PTPRD: variants seen among roughly 807,000 people sequenced by gnomAD.
PTPRD encodes the protein receptor-type tyrosine-protein phosphatase delta.
A neutral mutation model predicts 214.5 loss-of-function variants in PTPRD; 34 were observed. The ratio of observed to expected loss-of-function variants is 0.16; its 90% CI spans 0.12 to 0.21. PTPRD has a LOEUF of 0.21. Among genes scored for constraint, PTPRD ranks in the 10% least tolerant of loss-of-function variants. The pLI is 1.00. For missense variants in PTPRD, 2,545 were observed against 2,398.7 expected (o/e 1.06, Z -1.27); for synonymous variants, 1,128 against 845.7 (o/e 1.33, Z -5.79).
At chr9:10,127,163 G>A (rs888236892) in intron 3 of PTPRD, among the ~76,000 whole-genome samples, 4 of 150,928 alleles carry the variant, frequency 2.7e-5, no homozygotes, top group Non-Finnish European at 3.0e-5. Flanking sequence ...TATATCCTGA[G>A]CCCCATGTGT....
chr9:8,488,233 A>G (rs1443356650), intron 27 of PTPRD, among the ~76,000 whole-genome samples: 3 of 152,226 alleles, frequency 2.0e-5, no homozygotes, highest in Non-Finnish European at 4.4e-5. Flanking sequence ...GTGAAACCCA[A>G]GTGGAGATGT....
At chr9:8,855,408 C>G (rs1230361782) in intron 11 of PTPRD, among the ~76,000 whole-genome samples, 2 of 152,102 alleles carry the variant, frequency 1.3e-5, no homozygotes, top group Non-Finnish European at 2.9e-5. Context: ...TGCTGCATTT[C>G]ATTACTTGAG....
intron 2 of PTPRD, among the ~76,000 whole-genome samples, chr9:10,573,847 G>C (rs2068260184): frequency 6.6e-6 from 1 of 152,160 alleles, no homozygotes; most frequent in African/African-American, 2.4e-5. Flanking sequence ...TGGAAGGTAA[G>C]AAAGATGAGT....
In PTPRD at chr9:8,521,459, A is replaced by G. The variant is rs2097888494; in HGVS notation, c.779T>C (p.Val260Ala). ...CTTTACATAAGGCATTGGTGACCCC[A>G]CGGCCACACAGGTGATATTAACGCT... The part of the protein sequence containing the change: ...GGSVNITCVA[V>A]GSPMPYVKWM... Residue 260 changes from valine to alanine, a missense_variant, in exon 20 of 46, where the codon GTG becomes GCG. By Grantham distance (64) the Val-to-Ala change is moderately conservative (BLOSUM62 0). Transcript: ENST00000381196. 4.3e-6 allele frequency: 7 copies of G among 1,613,888 alleles called. 1 individual carries two copies. In the South Asian group the frequency reaches 6.6e-5, roughly 15 times the overall value.
At chr9:9,398,234 T>C (rs1416019813) in intron 8 of PTPRD, among the ~76,000 whole-genome samples, 1 of 152,058 alleles carries the variant, frequency 6.6e-6, no homozygotes, top group African/African-American at 2.4e-5. Context: ...AGAGGTTGTC[T>C]TGACACCTAG....
At chr9:9,331,310 T>C (rs1276567407) in intron 9 of PTPRD, among the ~76,000 whole-genome samples, 1 of 152,234 alleles carries the variant, frequency 6.6e-6, no homozygotes, top group South Asian at 2.1e-4. Flanking sequence ...ATTTCCAATT[T>C]ACTAAGTTTT....
At chr9:9,200,251 A>G (rs1250262413) in intron 9 of PTPRD, among the ~76,000 whole-genome samples, 1 of 152,232 alleles carries the variant, frequency 6.6e-6, no homozygotes, top group Non-Finnish European at 1.5e-5. Context: ...CTGATATCCT[A>G]CAATGAGAGT....
chr9:9,997,499 G>A (rs2154087018), intron 4 of PTPRD, among the ~76,000 whole-genome samples: 1 of 152,226 alleles, frequency 6.6e-6, no homozygotes, highest in African/African-American at 2.4e-5. Context: ...AAGTTGGTCA[G>A]GCTGGTCTTG....
At position 8,486,358 on chromosome 9, in the gene PTPRD, C is replaced by G. The variant is rs2135983231; in HGVS notation, c.2468-9G>C. The G allele has an allele frequency of 6.2e-7, 1 of 1,612,238 alleles. No individual in the cohort carries two copies. Among genetic ancestry groups the G allele is most frequent in the Non-Finnish European group, 8.5e-7 (1 of 1,178,384 alleles). ...CCGAGGTTTCCCTGGAACTGGAGCA[C>G]ATGGGATGGAGTGGTAAGACCAACC... On this transcript the variant is annotated splice_polypyrimidine_tract_variant and intron_variant, in intron 27 of 45. Coordinates refer to ENST00000381196, the MANE Select transcript of PTPRD (RefSeq NM_002839.4).
chr9:8,892,098 C>G (rs2098544386), intron 11 of PTPRD, among the ~76,000 whole-genome samples: 1 of 152,098 alleles, frequency 6.6e-6, no homozygotes, highest in African/African-American at 2.4e-5. Context: ...AAACAGAATT[C>G]CACTCCGGGC....
chr9:8,339,057 G>A lies in PTPRD; in HGVS notation c.5254-10C>T, dbSNP rs751770060. The A allele has an allele frequency of 1.2e-5, 19 of 1,609,080 alleles. No individual in the cohort carries two copies. The Admixed American group carries it at 3.0e-4, about 26-fold the overall frequency. On this transcript the variant is annotated splice_polypyrimidine_tract_variant and intron_variant, in intron 42 of 45. Transcript: ENST00000381196. ...ATTGGTGACATTTCTCCTAAAAGGA[G>A]AGAAGATTAATGTTAAACTATGCAA...
chr9:9,217,022 T>C (rs964604760), intron 9 of PTPRD, among the ~76,000 whole-genome samples: 1 of 152,072 alleles, frequency 6.6e-6, no homozygotes, highest in East Asian at 1.9e-4. Flanking sequence ...AAAGAACCAA[T>C]ATGTTTAAGA....
chr9:10,075,974 T>A (rs1356416548), intron 3 of PTPRD, among the ~76,000 whole-genome samples: 2 of 152,146 alleles, frequency 1.3e-5, no homozygotes. Context: ...AATATTCTAC[T>A]CAGAGTACGC....
intron 9 of PTPRD, among the ~76,000 whole-genome samples, chr9:9,318,903 G>A (rs779757434): frequency 6.6e-6 from 1 of 152,136 alleles, no homozygotes; most frequent in East Asian, 1.9e-4. Context: ...CTAGATTCAT[G>A]CATTGATTTA....
intron 2 of PTPRD, among the ~76,000 whole-genome samples, chr9:10,588,560 G>A (rs1315384455): frequency 6.6e-6 from 1 of 151,784 alleles, no homozygotes; most frequent in African/African-American, 2.4e-5. Flanking sequence ...GATATTAGAA[G>A]ATCAACACAG....
intron 2 of PTPRD, among the ~76,000 whole-genome samples, chr9:10,471,645 A>G (rs1396897919): frequency 6.6e-6 from 1 of 152,146 alleles, no homozygotes; most frequent in Non-Finnish European, 1.5e-5. Flanking sequence ...ATGTGCTAAA[A>G]CATAATTTTA....
intron 7 of PTPRD, among the ~76,000 whole-genome samples, chr9:9,604,788 T>C (rs1450539714): frequency 6.6e-6 from 1 of 152,030 alleles, no homozygotes; most frequent in African/African-American, 2.4e-5. Flanking sequence ...ACATTTTTGT[T>C]TTTAAATCAC....
At chr9:9,677,082 G>T (rs537562212) in intron 7 of PTPRD, among the ~76,000 whole-genome samples, 171 of 152,156 alleles carry the variant, frequency 1.1e-3, no homozygotes, top group African/African-American at 4.0e-3. Context: ...TAGGTTGCCT[G>T]TTCACTCTGA....
chr9:9,314,860 G>A (rs961478014), intron 9 of PTPRD, among the ~76,000 whole-genome samples: 2 of 151,742 alleles, frequency 1.3e-5, no homozygotes, highest in Non-Finnish European at 2.9e-5. Flanking sequence ...AATACCATAG[G>A]CACAAAGGAC....
Sources: allele counts gnomAD v4.1 joint callset (sites outside exome capture counted in the v4.1 genomes callset), GRCh38; gene constraint gnomAD v4.1.1; transcripts MANE v1.5; gene names NCBI Gene and HGNC (gene_info 2026-07-23, HGNC 2026-07-21).